Variants in AQP4 observed in about 807,000 individuals in gnomAD.
AQP4 encodes the protein aquaporin-4.
AQP4 carries 18 observed loss-of-function variants against 27.8 expected under a neutral mutation model. The observed-to-expected ratio is 0.65, with a 90% CI of 0.45 to 0.96. The LOEUF is 0.96. AQP4 is among the 40% of genes least tolerant of loss of function. The pLI, the probability that AQP4 is intolerant of heterozygous loss-of-function variation, is 0.00. For synonymous variants in AQP4, 141 were observed against 142.9 expected, an observed-to-expected ratio of 0.99 and a Z score of 0.10; for missense variants, 412 against 408.2, an observed-to-expected ratio of 1.01 and a Z score of -0.08.
Position 26,852,662 on chromosome 18 carries a change from C to T in AQP4, c.*3549G>A. ...ACTAAACTCACAAAATTTGTGGTAA[C>T]AAAAGAGAGTTTTGTTACATTACAC... On this transcript the variant is annotated 3_prime_UTR_variant, in exon 5 of 5. Coordinates refer to ENST00000383168, the MANE Select transcript of AQP4 (RefSeq NM_001650.7). 1 of 394,914 alleles carries T rather than the reference C, an allele frequency of 2.5e-6. No homozygotes were observed. 24.5% of individuals were successfully genotyped at this position (394,914 alleles called of 1,614,324 possible). A position where few individuals can be genotyped will look rare whatever the true frequency, so the allele number is the denominator to read the frequency against.
intron 4 of AQP4, among the ~76,000 whole-genome samples, chr18:26,859,446 A>G (rs1321258887): frequency 6.6e-6 from 1 of 152,186 alleles, no homozygotes; most frequent in Non-Finnish European, 1.5e-5. Context: ...TCTTCAACCC[A>G]GGAGAAGGAG....
rs564199314 is a variant in AQP4, at chr18:26,853,747, A to G, written c.*2464T>C. 53 of 152,748 alleles carry G rather than the reference A, an allele frequency of 3.5e-4. No homozygotes were observed. Among genetic ancestry groups the G allele is most frequent in the African/African-American group, 1.2e-3 (50 of 41,556 alleles). 9.5% of individuals were successfully genotyped at this position (152,748 alleles called of 1,614,324 possible). On this transcript the variant is annotated 3_prime_UTR_variant, in exon 5 of 5. Coordinates refer to ENST00000383168, the MANE Select transcript of AQP4 (RefSeq NM_001650.7). ...ACCCCTGCTGCATAGATGTCATTAGAAAGGTACAATTTCATTACTTTTTAC... is the reference window on the plus strand; with the variant it reads ...ACCCCTGCTGCATAGATGTCATTAGGAAGGTACAATTTCATTACTTTTTAC...
chr18:26,864,954 T>A (rs1411342535), intron 1 of AQP4, among the ~76,000 whole-genome samples: 1 of 152,124 alleles, frequency 6.6e-6, no homozygotes, highest in African/African-American at 2.4e-5. Context: ...TCTTTCAGCT[T>A]CAAATATTCA....
At chr18:26,863,997 G>A (rs923821052) in intron 1 of AQP4, among the ~76,000 whole-genome samples, 6 of 112,328 alleles carry the variant, frequency 5.3e-5, no homozygotes, top group Non-Finnish European at 1.2e-4. Context: ...CCCCTTTTGG[G>A]GGGGGGGGGC....
At position 26,852,136 on chromosome 18, in the gene AQP4, TTAATA is replaced by T. The variant is rs530927969; in HGVS notation, c.*4070_*4074del. ...GAAAATCAACCACAGTGCTAATACT[TTAATA>T]TATTATTCCAAATATTAGACGTTAC... On this transcript the variant is annotated 3_prime_UTR_variant, in exon 5 of 5. Transcript: ENST00000383168. 3 of 152,246 alleles carry T rather than the reference TTAATA, an allele frequency of 2.0e-5. No individual in the cohort carries two copies. The highest frequency in any genetic ancestry group is 4.4e-5 in the Non-Finnish European group (3 of 68,042). The allele number at this position is 152,246 out of a possible 1,614,324, so 9.4% of individuals were successfully genotyped here.
At chr18:26,861,928 G>A in intron 2 of AQP4, 1 of 555,726 alleles carries the variant, frequency 1.8e-6, no homozygotes, top group South Asian at 2.1e-5. Context: ...TGGGAGAAGG[G>A]GAGGAAAAAA....
At chr18:26,864,150 G>C (rs1481134464) in intron 1 of AQP4, among the ~76,000 whole-genome samples, 2 of 152,212 alleles carry the variant, frequency 1.3e-5, no homozygotes, top group Non-Finnish European at 2.9e-5. Context: ...AGAAAGCCAA[G>C]TACTTTAAGA....
At chr18:26,863,173 A>G (rs1452675611) in intron 1 of AQP4, 1 of 160,504 alleles carries the variant, frequency 6.2e-6, no homozygotes, top group Non-Finnish European at 1.4e-5. Flanking sequence ...TCTGGTGACT[A>G]GCAAGGGCGA....
chr18:26,863,634 G>T (rs2055001133), intron 1 of AQP4, among the ~76,000 whole-genome samples: 1 of 152,254 alleles, frequency 6.6e-6, no homozygotes, highest in African/African-American at 2.4e-5. Context: ...GGAGGCTGGG[G>T]TGTGCCAGCA....
In AQP4 at chr18:26,855,928, G is replaced by T; in HGVS notation, c.*283C>A. 2.5e-6 allele frequency: 1 copy of T among 397,948 alleles called. No individual in the cohort carries two copies. The highest frequency in any genetic ancestry group is 2.4e-5 in the South Asian group (1 of 40,984). 24.7% of individuals were successfully genotyped at this position (397,948 alleles called of 1,614,324 possible). ...AAGACTTAACCAAATCTTGACACAC[G>T]GTTAAAATTGGTTGTTAATGAAAGG... is the stretch of plus-strand genomic sequence containing the variant. On this transcript the variant is annotated 3_prime_UTR_variant, in exon 5 of 5. Transcript: ENST00000383168.
chr18:26,861,047 G>T (rs1433390342), intron 3 of AQP4, 84 bp downstream of exon 3: 2 of 1,527,096 alleles, frequency 1.3e-6, no homozygotes, highest in East Asian at 4.5e-5. Flanking sequence ...AAGAGCTACT[G>T]CTGTAAAACA....
chr18:26,859,668 G>T (rs527474381), intron 4 of AQP4, among the ~76,000 whole-genome samples: 1 of 152,142 alleles, frequency 6.6e-6, no homozygotes, highest in Non-Finnish European at 1.5e-5. Flanking sequence ...TGGTTTGAAC[G>T]CTGACTCTTA....
At chr18:26,863,569 C>T (rs2054999591) in intron 1 of AQP4, among the ~76,000 whole-genome samples, 1 of 152,192 alleles carries the variant, frequency 6.6e-6, no homozygotes, top group Admixed American at 6.5e-5. Flanking sequence ...GCCCGACCCT[C>T]TCTCACCCCT....
rs749491894 is a variant in AQP4, at chr18:26,856,397, A to C, written c.786T>G (p.Phe262Leu). 1.2e-6 allele frequency: 2 copies of C among 1,614,276 alleles called. No homozygotes were observed. The highest frequency in any genetic ancestry group is 2.2e-5 in the South Asian group (2 of 91,086). Residue 262 changes from phenylalanine to leucine, a missense_variant, in exon 5 of 5, where the codon TTT becomes TTG. Coordinates refer to ENST00000383168, the MANE Select transcript of AQP4 (RefSeq NM_001650.7). ...FCPDVEFKRRFKEAFSKAAQQ... is the reference protein window; with the variant it reads ...FCPDVEFKRRLKEAFSKAAQQ... ...GGGCAGCTTTGCTGAAGGCTTCTTT[A>C]AAACGACGTTTGAATTCAACATCTG...
intron 3 of AQP4, 27 bp downstream of exon 3, chr18:26,861,104 A>G: frequency 6.2e-7 from 1 of 1,612,910 alleles, no homozygotes; most frequent in Admixed American, 1.7e-5. Context: ...GGTGGGATTG[A>G]TTATTTAAAT....
At chr18:26,858,547 G>A (rs1285247904) in intron 4 of AQP4, among the ~76,000 whole-genome samples, 1 of 152,108 alleles carries the variant, frequency 6.6e-6, no homozygotes, top group African/African-American at 2.4e-5. Flanking sequence ...TTCCTCTCTT[G>A]AACATGAAAA....
chr18:26,859,989 A>C (rs377045710), intron 4 of AQP4, among the ~76,000 whole-genome samples: 1 of 152,220 alleles, frequency 6.6e-6, no homozygotes. Flanking sequence ...GGCCTTCACA[A>C]CTGCTGCATT....
intron 4 of AQP4, among the ~76,000 whole-genome samples, chr18:26,858,679 A>G (rs910247368): frequency 6.6e-6 from 1 of 152,216 alleles, no homozygotes; most frequent in Non-Finnish European, 1.5e-5. Context: ...ACAGGCTACA[A>G]ATCCCACAAG....
At chr18:26,860,080 G>A (rs2054913081) in intron 4 of AQP4, among the ~76,000 whole-genome samples, 1 of 152,034 alleles carries the variant, frequency 6.6e-6, no homozygotes, top group Admixed American at 6.6e-5. Flanking sequence ...TTTTAAAATG[G>A]ACACTGCTAT....
Sources: gnomAD v4.1 joint callset for allele counts (sites outside exome capture counted in the v4.1 genomes callset) on GRCh38, gnomAD v4.1.1 for gene constraint, MANE v1.5 for transcripts, NCBI Gene and HGNC (gene_info 2026-07-23, HGNC 2026-07-21) for gene names.